Variants in MPPED2 observed in about 807,000 individuals in gnomAD.
The protein encoded by MPPED2 is metallophosphoesterase MPPED2.
Under a neutral mutation model 33.0 loss-of-function variants are expected in MPPED2, and 5 were observed. That is an observed-to-expected ratio of 0.15 (90% CI 0.08 to 0.32). The LOEUF is 0.32. MPPED2 is among the 10% of genes least tolerant of loss of function. MPPED2 has a pLI of 1.00. For missense variants in MPPED2, 275 were observed against 372.1 expected, an observed-to-expected ratio of 0.74 and a Z score of 2.15; for synonymous variants, 136 against 141.9, an observed-to-expected ratio of 0.96 and a Z score of 0.29.
intron 4 of MPPED2, among the ~76,000 whole-genome samples, chr11:30,491,752 G>T (rs140357190): frequency 6.6e-6 from 1 of 152,162 alleles, no homozygotes; most frequent in Non-Finnish European, 1.5e-5. Context: ...TTTCTAAATC[G>T]ATGTTCAGAT....
chr11:30,495,125 AAAC>A (rs1291653546), intron 4 of MPPED2, 168 bp downstream of exon 4: 9 of 612,194 alleles, frequency 1.5e-5, no homozygotes, highest in East Asian at 2.8e-5. Flanking sequence ...ATCACAATGA[AAAC>A]AACAAGTGTT....
At chr11:30,476,822 A>G (rs941422711) in intron 4 of MPPED2, among the ~76,000 whole-genome samples, 18 of 152,080 alleles carry the variant, frequency 1.2e-4, no homozygotes, top group Admixed American at 8.5e-4. Flanking sequence ...AGCTGAATCT[A>G]CAGATCAATT....
At chr11:30,399,562 T>C (rs1366717293) in intron 6 of MPPED2, among the ~76,000 whole-genome samples, 1 of 152,200 alleles carries the variant, frequency 6.6e-6, no homozygotes, top group Non-Finnish European at 1.5e-5. Context: ...TGCATTTATC[T>C]TCAGAATTAT....
At chr11:30,386,684 A>G (rs371072082) in exon 7 of MPPED2, 5 of 398,374 alleles carry the variant, frequency 1.3e-5, no homozygotes, top group African/African-American at 2.1e-5. Context: ...CAGAACTCAA[A>G]TCAGATGAAC....
chr11:30,480,898 A>G (rs1436105091), intron 4 of MPPED2, among the ~76,000 whole-genome samples: 2 of 152,144 alleles, frequency 1.3e-5, no homozygotes, highest in East Asian at 1.9e-4. Context: ...CCCACACTCT[A>G]TCTCCACAGG....
intron 2 of MPPED2, among the ~76,000 whole-genome samples, chr11:30,549,055 AC>A (rs145720973): frequency 0.018 from 2,796 of 152,322 alleles, 81 homozygotes; most frequent in African/African-American, 0.064. Context: ...TTTATAAGCA[AC>A]AAAAAAATAT....
At chr11:30,524,853 G>C (rs1331948968) in intron 3 of MPPED2, among the ~76,000 whole-genome samples, 1 of 152,158 alleles carries the variant, frequency 6.6e-6, no homozygotes, top group Non-Finnish European at 1.5e-5. Context: ...TATTGGTTTT[G>C]AGGTGTCTGT....
At chr11:30,545,554 G>A (rs1228609612) in intron 2 of MPPED2, among the ~76,000 whole-genome samples, 1 of 152,154 alleles carries the variant, frequency 6.6e-6, no homozygotes, top group Non-Finnish European at 1.5e-5. Context: ...TGATGATGAT[G>A]ATGATGAGAA....
chr11:30,536,131 G>T lies in MPPED2; in HGVS notation c.173C>A (p.Thr58Lys). The change falls in exon 3 of 7, where the codon ACG becomes AAG. Residue 58 changes from threonine to lysine, a missense_variant. By Grantham distance (78) the Thr-to-Lys change is moderately conservative. Coordinates refer to ENST00000358117, the MANE Select transcript of MPPED2 (RefSeq NM_001584.3). ...PYDTPKPAGH[T>K]RFVCISDTHS... ...TGTGTCTGAGATGCAGACAAACCGC[G>T]TGTGGCCCGCTGGTTTTGGAGTGTC... is the stretch of plus-strand genomic sequence containing the variant. 6.2e-7 allele frequency: 1 copy of T among 1,612,328 alleles called. No homozygotes were observed. Among genetic ancestry groups the T allele is most frequent in the Non-Finnish European group, 8.5e-7 (1 of 1,179,368 alleles).
At chr11:30,526,691 A>G (rs1265331203) in intron 3 of MPPED2, among the ~76,000 whole-genome samples, 1 of 144,244 alleles carries the variant, frequency 6.9e-6, no homozygotes, top group African/African-American at 2.5e-5. Context: ...GCTACAGAGC[A>G]AGAATAAATC....
At position 30,440,569 on chromosome 11, in the gene MPPED2, A is replaced by C. The variant is rs564521731; in HGVS notation, c.537-22936T>G. Among the ~76,000 whole-genome samples, 252 of 152,284 alleles carry C rather than the reference A, an allele frequency of 1.7e-3. 1 individual carries two copies. The highest frequency in any genetic ancestry group is 4.3e-3 in the South Asian group (21 of 4,828). On this transcript the variant is annotated intron_variant, in intron 4 of 6. Transcript: ENST00000358117. ...TTATTAGGGCAGCTGTAGGGCAGGT[A>C]ATAGCCATTTTACAGAGAAAAGAGA... is the stretch of plus-strand genomic sequence containing the variant.
intron 4 of MPPED2, among the ~76,000 whole-genome samples, chr11:30,459,131 T>G (rs1342247080): frequency 6.6e-6 from 1 of 151,642 alleles, no homozygotes; most frequent in Non-Finnish European, 1.5e-5. Flanking sequence ...TTCACCGTTT[T>G]TTAGCCGGGA....
At position 30,506,128 on chromosome 11, in the gene MPPED2, C is replaced by G. The variant is rs141501362; in HGVS notation, c.311-10607G>C. On this transcript the variant is annotated intron_variant, in intron 3 of 6. Coordinates refer to ENST00000358117, the MANE Select transcript of MPPED2 (RefSeq NM_001584.3). ...TTTCAGTTCACTGCAACCTCCGCCTCCAGGGTTCAAGGGATTCTCATATCT... is the reference window on the plus strand; with the variant it reads ...TTTCAGTTCACTGCAACCTCCGCCTGCAGGGTTCAAGGGATTCTCATATCT... 1.4e-3 allele frequency among the ~76,000 whole-genome samples: 220 copies of G among 152,216 alleles called. 1 individual carries two copies. Among genetic ancestry groups the G allele is most frequent in the Middle Eastern group, 3.4e-3 (1 of 294 alleles).
At chr11:30,568,537 C>A (rs1956551879) in intron 2 of MPPED2, among the ~76,000 whole-genome samples, 1 of 152,174 alleles carries the variant, frequency 6.6e-6, no homozygotes, top group Admixed American at 6.5e-5. Context: ...CTAAAATCCA[C>A]TAATGACTAG....
At chr11:30,546,962 T>C (rs1048607173) in intron 2 of MPPED2, among the ~76,000 whole-genome samples, 1 of 152,200 alleles carries the variant, frequency 6.6e-6, no homozygotes, top group Non-Finnish European at 1.5e-5. Flanking sequence ...AAAACTCACA[T>C]AGTTCCCACT....
intron 6 of MPPED2, among the ~76,000 whole-genome samples, chr11:30,412,834 G>A (rs777646995): frequency 1.1e-4 from 16 of 152,168 alleles, no homozygotes; most frequent in Non-Finnish European, 2.4e-4. Context: ...TAGTTTAAAG[G>A]TAATTAATGA....
At chr11:30,508,323 C>T (rs1398267584) in intron 3 of MPPED2, among the ~76,000 whole-genome samples, 2 of 152,112 alleles carry the variant, frequency 1.3e-5, no homozygotes, top group Non-Finnish European at 2.9e-5. Flanking sequence ...CATGTGAAGT[C>T]AGGTAAATGC....
chr11:30,400,447 A>G (rs1279885248), intron 6 of MPPED2, among the ~76,000 whole-genome samples: 3 of 152,188 alleles, frequency 2.0e-5, no homozygotes, highest in Non-Finnish European at 4.4e-5. Flanking sequence ...AAAGTCTAGG[A>G]TGTGTCCAAA....
intron 3 of MPPED2, among the ~76,000 whole-genome samples, chr11:30,516,654 T>A (rs1953550570): frequency 6.6e-6 from 1 of 152,328 alleles, no homozygotes; most frequent in Admixed American, 6.5e-5. Flanking sequence ...TGCATTAACA[T>A]AAGCTACTGC....
Sources: gnomAD v4.1 joint callset for allele counts (sites outside exome capture counted in the v4.1 genomes callset) on GRCh38, gnomAD v4.1.1 for gene constraint, MANE v1.5 for transcripts, NCBI Gene and HGNC (gene_info 2026-07-23, HGNC 2026-07-21) for gene names.